ARK2C: variants seen among roughly 807,000 people sequenced by gnomAD.
The protein encoded by ARK2C is arkadia (RNF111) C-terminal like ring finger ubiquitin ligase 2C, also known as E3 ubiquitin-protein ligase ARK2C.
At chr18:46,363,833 G>A in the ARK2C span, among the ~76,000 whole-genome samples, 1 of 152,060 alleles carries the variant, frequency 6.6e-6, no homozygotes, top group South Asian at 2.1e-4. Context: ...ATTCATAGGG[G>A]CCACCGTTGA....
the ARK2C span, among the ~76,000 whole-genome samples, chr18:46,373,564 G>A: frequency 6.6e-6 from 1 of 152,240 alleles, no homozygotes; most frequent in African/African-American, 2.4e-5. Context: ...ACGAGAGACA[G>A]CACAGTGCCT....
the ARK2C span, among the ~76,000 whole-genome samples, chr18:46,429,834 T>G: frequency 6.6e-6 from 1 of 152,198 alleles, no homozygotes; most frequent in East Asian, 1.9e-4. Context: ...CTTGAACCCC[T>G]GACCTCAAGT....
At chr18:46,405,623 T>C in the ARK2C span, among the ~76,000 whole-genome samples, 3 of 152,042 alleles carry the variant, frequency 2.0e-5, no homozygotes, top group Admixed American at 6.5e-5. Context: ...CCTGGGCCCC[T>C]GGGGCCATGA....
At chr18:46,383,721 A>T in the ARK2C span, among the ~76,000 whole-genome samples, 60 of 151,484 alleles carry the variant, frequency 4.0e-4, no homozygotes, top group African/African-American at 5.1e-4. Flanking sequence ...CGCCCGGCTA[A>T]TTTTTTGTAT....
the ARK2C span, among the ~76,000 whole-genome samples, chr18:46,357,948 G>A: frequency 6.6e-6 from 1 of 152,192 alleles, no homozygotes; most frequent in South Asian, 2.1e-4. Flanking sequence ...TCCCTGGCTT[G>A]TAGCCGCATC....
At chr18:46,441,110 C>G in the ARK2C span, among the ~76,000 whole-genome samples, 1 of 152,188 alleles carries the variant, frequency 6.6e-6, no homozygotes, top group Non-Finnish European at 1.5e-5. Flanking sequence ...CTCAGCCTCC[C>G]AAGTAGCTGG....
At chr18:46,357,358 G>C in the ARK2C span, among the ~76,000 whole-genome samples, 1 of 152,314 alleles carries the variant, frequency 6.6e-6, no homozygotes, top group Admixed American at 6.5e-5. Flanking sequence ...GTGGAGCTTA[G>C]AATCTAGTGG....
At chr18:46,456,488 C>A in the ARK2C span, 1 of 1,508,550 alleles carries the variant, frequency 6.6e-7, no homozygotes, top group African/African-American at 1.4e-5. Flanking sequence ...CAGCTCTTGC[C>A]GGGCCTCTGA....
chr18:46,445,749 T>A, the ARK2C span, among the ~76,000 whole-genome samples: 1 of 152,254 alleles, frequency 6.6e-6, no homozygotes, highest in Non-Finnish European at 1.5e-5. Flanking sequence ...CTTCTGTTGA[T>A]AACAGTCTGC....
At chr18:46,377,245 G>A in the ARK2C span, among the ~76,000 whole-genome samples, 1 of 152,174 alleles carries the variant, frequency 6.6e-6, no homozygotes, top group African/African-American at 2.4e-5. Context: ...AAGAAAAAAA[G>A]TTTCATAAAG....
the ARK2C span, among the ~76,000 whole-genome samples, chr18:46,338,186 G>T: frequency 6.6e-6 from 1 of 152,126 alleles, no homozygotes; most frequent in African/African-American, 2.4e-5. Flanking sequence ...AATCATGCTG[G>T]GGGTGACATG....
At chr18:46,360,715 TCAC>T in the ARK2C span, among the ~76,000 whole-genome samples, 1 of 152,268 alleles carries the variant, frequency 6.6e-6, no homozygotes, top group Admixed American at 6.5e-5. Flanking sequence ...TGGCCTGCCT[TCAC>T]CACCTCCTTC....
the ARK2C span, among the ~76,000 whole-genome samples, chr18:46,419,934 C>T: frequency 2.0e-5 from 3 of 152,150 alleles, no homozygotes; most frequent in Non-Finnish European, 4.4e-5. Flanking sequence ...TTTCCACTGA[C>T]GTCCACCGTC....
chr18:46,397,453 G>GGTGT, the ARK2C span, among the ~76,000 whole-genome samples: 1 of 118,870 alleles, frequency 8.4e-6, no homozygotes, highest in Non-Finnish European at 1.7e-5. Context: ...GGTGTGAGGG[G>GGTGT]GTGTGTGTGT....
the ARK2C span, among the ~76,000 whole-genome samples, chr18:46,413,800 A>G: frequency 6.6e-6 from 1 of 152,164 alleles, no homozygotes; most frequent in Non-Finnish European, 1.5e-5. Context: ...TATGGTGCAA[A>G]AGGATGTACA....
the ARK2C span, chr18:46,337,667 C>A: frequency 1.1e-6 from 1 of 937,020 alleles, no homozygotes; most frequent in Non-Finnish European, 1.3e-6. Flanking sequence ...TGTGCTTTTT[C>A]TCTTGCTGTT....
At chr18:46,456,303 T>TGTG in the ARK2C span, among the ~76,000 whole-genome samples, 8 of 152,110 alleles carry the variant, frequency 5.3e-5, no homozygotes, top group Non-Finnish European at 1.0e-4. Context: ...AGGAGAACAG[T>TGTG]GTGGTGTTCG....
chr18:46,440,226 T>C, the ARK2C span, among the ~76,000 whole-genome samples: 1 of 152,066 alleles, frequency 6.6e-6, no homozygotes, highest in Non-Finnish European at 1.5e-5. Flanking sequence ...GGGTTTCAGT[T>C]ACCCATGTAA....
chr18:46,386,298 T>G, the ARK2C span: 1 of 152,280 alleles, frequency 6.6e-6, no homozygotes, highest in Non-Finnish European at 1.5e-5. Flanking sequence ...ATTGTCATCG[T>G]TGCCTTCATC....
Sources: allele counts gnomAD v4.1 joint callset (sites outside exome capture counted in the v4.1 genomes callset), GRCh38; gene constraint gnomAD v4.1.1; transcripts MANE v1.5; gene names NCBI Gene and HGNC (gene_info 2026-07-23, HGNC 2026-07-21).